Variants in ALPK2 observed in about 807,000 individuals in gnomAD.
ALPK2 encodes the protein alpha-protein kinase 2.
Under a neutral mutation model 163.1 loss-of-function variants are expected in ALPK2, and 127 were observed. The observed-to-expected ratio is 0.78, with a 90% CI of 0.67 to 0.90. The LOEUF is 0.90. Ranked by LOEUF, ALPK2 falls within the 40% of genes least tolerant of loss-of-function variation. The pLI is 0.00. For missense variants in ALPK2, 2,360 were observed against 2,589.6 expected (o/e 0.91, Z 1.92); for synonymous variants, 953 against 959.1 (o/e 0.99, Z 0.12).
rs199499886 is a variant in ALPK2 at position 58,537,046 on chromosome 18, C to A, written c.3141G>T (p.Lys1047Asn). 1.9e-6 allele frequency: 3 copies of A among 1,613,786 alleles called. No homozygotes were observed. The highest frequency in any genetic ancestry group is 2.2e-5 in the East Asian group (1 of 44,884). The change falls in exon 5 of 13, where the codon AAG becomes AAT. Residue 1047 changes from lysine to asparagine, a missense_variant. Coordinates refer to ENST00000361673, the MANE Select transcript of ALPK2 (RefSeq NM_052947.4). Reference protein sequence around the residue: ...EERFPRASHEKVSQFPSQVQL... With the variant: ...EERFPRASHENVSQFPSQVQL... ...GCACTTGGGAAGGAAATTGGGAAACCTTTTCATGGGATGCACGAGGGAACC... is the reference window on the plus strand; with the variant it reads ...GCACTTGGGAAGGAAATTGGGAAACATTTTCATGGGATGCACGAGGGAACC...
At chr18:58,501,348 CAG>C (rs2051430518) in intron 11 of ALPK2, among the ~76,000 whole-genome samples, 1 of 152,204 alleles carries the variant, frequency 6.6e-6, no homozygotes, top group African/African-American at 2.4e-5. Flanking sequence ...ATTGCACAGC[CAG>C]AGTCTAAATA....
At chr18:58,627,956 G>T (rs968802596) in intron 1 of ALPK2, among the ~76,000 whole-genome samples, 2 of 152,138 alleles carry the variant, frequency 1.3e-5, no homozygotes, top group African/African-American at 4.8e-5. Context: ...TAAGGAAAAG[G>T]TTGTGGAAAG....
At chr18:58,620,611 C>T (rs1398410076) in intron 1 of ALPK2, among the ~76,000 whole-genome samples, 1 of 152,100 alleles carries the variant, frequency 6.6e-6, no homozygotes, top group Non-Finnish European at 1.5e-5. Flanking sequence ...CAACCTAGTA[C>T]ATTTGCTTTT....
chr18:58,516,760 C>A (rs1037510531), intron 9 of ALPK2, 148 bp downstream of exon 9: 6 of 986,514 alleles, frequency 6.1e-6, no homozygotes, highest in Non-Finnish European at 9.0e-6. Flanking sequence ...GAGAAGTGAT[C>A]CCCAGCATTG....
intron 12 of ALPK2, among the ~76,000 whole-genome samples, chr18:58,492,921 C>T (rs552307044): frequency 6.6e-6 from 1 of 152,316 alleles, no homozygotes; most frequent in Admixed American, 6.5e-5. Flanking sequence ...GAGAGCACTG[C>T]TATAGTAGGG....
At chr18:58,486,336 T>C (rs1374685434) in intron 12 of ALPK2, among the ~76,000 whole-genome samples, 1 of 152,088 alleles carries the variant, frequency 6.6e-6, no homozygotes, top group East Asian at 1.9e-4. Flanking sequence ...CCAGCTCCAG[T>C]GGGCTCTCTC....
chr18:58,579,146 C>A lies in ALPK2; in HGVS notation c.1630G>T (p.Gly544Ter). 6.2e-7 allele frequency: 1 copy of A among 1,614,170 alleles called. No homozygotes were observed. Among genetic ancestry groups the A allele is most frequent in the East Asian group, 2.2e-5 (1 of 44,874 alleles). The part of the protein sequence containing the change: ...SARVRQPGMK[G>*]NPKKPNANLR... ...TTGGCATTCGGCTTCTTGGGATTTC[C>A]CTTCATTCCCGGCTGCCTCACCCTG... Residue 544 changes from glycine (G) to a stop codon, truncating the protein, a stop_gained, in exon 4 of 13, where the codon GGA becomes TGA. Transcript: ENST00000361673. LOFTEE classifies it high-confidence loss of function.
intron 3 of ALPK2, among the ~76,000 whole-genome samples, chr18:58,585,561 T>G (rs2051981357): frequency 6.6e-6 from 1 of 152,240 alleles, no homozygotes; most frequent in Non-Finnish European, 1.5e-5. Context: ...TTAATAATCT[T>G]TTCATCTGAT....
chr18:58,537,931 G>A lies in ALPK2; in HGVS notation c.2256C>T (p.Ser752=), dbSNP rs767905313. ...GGAGATGCCTTGAGAACACACCTGG[G>A]GACATAGTCTCATCATTGGCTTCTG... The part of the protein sequence containing the change: ...SISEANDETM[S]PGVFSRHLPK... The change falls in exon 5 of 13, where the codon TCC becomes TCT. Residue 752 remains serine, a synonymous_variant. Transcript: ENST00000361673. The A allele has an allele frequency of 2.5e-6, 4 of 1,614,110 alleles. No homozygotes were observed. The highest frequency in any genetic ancestry group is 1.6e-4 in the Middle Eastern group (1 of 6,062).
chr18:58,538,502 C>G (rs2051670452), intron 4 of ALPK2: 2 of 399,292 alleles, frequency 5.0e-6, no homozygotes, highest in East Asian at 8.6e-5. Context: ...ATTTCTTTCT[C>G]TCTTAGGAAA....
At chr18:58,587,060 A>C (rs2144206220) in intron 3 of ALPK2, among the ~76,000 whole-genome samples, 1 of 152,324 alleles carries the variant, frequency 6.6e-6, no homozygotes. Context: ...AGTGAAGGCT[A>C]AGGCAGAGTT....
chr18:58,598,813 C>T (rs746871514), intron 3 of ALPK2, among the ~76,000 whole-genome samples: 1 of 152,178 alleles, frequency 6.6e-6, no homozygotes, highest in Non-Finnish European at 1.5e-5. Flanking sequence ...TCAATCTTTC[C>T]AGATGTGTCT....
chr18:58,493,188 C>G (rs188674511), intron 12 of ALPK2, among the ~76,000 whole-genome samples: 1 of 152,090 alleles, frequency 6.6e-6, no homozygotes, highest in African/African-American at 2.4e-5. Flanking sequence ...GAGATTGGTC[C>G]GCTGATGCCT....
intron 4 of ALPK2, among the ~76,000 whole-genome samples, chr18:58,558,812 A>G (rs1467940781): frequency 6.6e-6 from 1 of 152,252 alleles, no homozygotes; most frequent in Non-Finnish European, 1.5e-5. Context: ...AAATGAAAGA[A>G]GCCAGACACA....
chr18:58,489,100 G>A (rs2051357303), intron 12 of ALPK2, among the ~76,000 whole-genome samples: 1 of 152,168 alleles, frequency 6.6e-6, no homozygotes, highest in Admixed American at 6.5e-5. Context: ...AACGCGGAGG[G>A]TGCCATTTTC....
chr18:58,599,730 T>A (rs1322046244), intron 3 of ALPK2, among the ~76,000 whole-genome samples: 1 of 152,228 alleles, frequency 6.6e-6, no homozygotes, highest in Non-Finnish European at 1.5e-5. Flanking sequence ...CTGAAATAGC[T>A]ATTATGTATT....
intron 3 of ALPK2, among the ~76,000 whole-genome samples, chr18:58,581,538 C>T (rs978980156): frequency 5.3e-5 from 8 of 152,202 alleles, no homozygotes; most frequent in Admixed American, 3.9e-4. Flanking sequence ...TCAGGATGGA[C>T]GCTGCTCCTG....
At chr18:58,546,104 A>G (rs1448905073) in intron 4 of ALPK2, among the ~76,000 whole-genome samples, 1 of 151,980 alleles carries the variant, frequency 6.6e-6, no homozygotes, top group Non-Finnish European at 1.5e-5. Context: ...GCTTCTCTTG[A>G]AGGCTTTGAA....
intron 4 of ALPK2, among the ~76,000 whole-genome samples, chr18:58,557,522 A>G (rs2051799555): frequency 6.6e-6 from 1 of 152,150 alleles, no homozygotes; most frequent in Non-Finnish European, 1.5e-5. Flanking sequence ...TGGGAGCAGG[A>G]CATATATGGG....
Sources: allele counts gnomAD v4.1 joint callset (sites outside exome capture counted in the v4.1 genomes callset), GRCh38; gene constraint gnomAD v4.1.1; transcripts MANE v1.5; gene names NCBI Gene and HGNC (gene_info 2026-07-23, HGNC 2026-07-21).